Variants in FAM107B observed in about 807,000 individuals in gnomAD.
The protein encoded by FAM107B is family with sequence similarity 107 member B, also known as protein FAM107B.
A neutral mutation model predicts 31.5 loss-of-function variants in FAM107B; 21 were observed. That is an observed-to-expected ratio of 0.67 (90% CI 0.47 to 0.96). FAM107B has a LOEUF of 0.96. Among genes scored for constraint, FAM107B ranks in the 40% least tolerant of loss-of-function variants. The pLI is 0.00. For missense variants in FAM107B, 452 were observed against 377.1 expected, an observed-to-expected ratio of 1.20 and a Z score of -1.64; for synonymous variants, 157 against 141.5, an observed-to-expected ratio of 1.11 and a Z score of -0.78.
chr10:14,755,769 TATC>T (rs1364943691), intron 1 of FAM107B, among the ~76,000 whole-genome samples: 1 of 152,166 alleles, frequency 6.6e-6, no homozygotes, highest in African/African-American at 2.4e-5. Flanking sequence ...GACACTGAAT[TATC>T]ATGAAAGGCT....
chr10:14,710,831 T>C (rs1048881061), intron 1 of FAM107B, among the ~76,000 whole-genome samples: 13 of 152,200 alleles, frequency 8.5e-5, no homozygotes, highest in African/African-American at 3.1e-4. Context: ...CTAAGTGTTG[T>C]TATAAAACAG....
intron 1 of FAM107B, among the ~76,000 whole-genome samples, chr10:14,713,482 C>G (rs1855709524): frequency 6.6e-6 from 1 of 152,102 alleles, no homozygotes; most frequent in Non-Finnish European, 1.5e-5. Context: ...CTTGCCATTT[C>G]TGGAAGAGGG....
intron 2 of FAM107B, among the ~76,000 whole-genome samples, chr10:14,658,552 T>C (rs1854134053): frequency 6.6e-6 from 1 of 152,220 alleles, no homozygotes. Context: ...ATGCATACTT[T>C]AGTCAAACAA....
chr10:14,700,829 A>G (rs1588715031), intron 1 of FAM107B, among the ~76,000 whole-genome samples: 1 of 8,884 alleles, frequency 1.1e-4, no homozygotes, highest in Admixed American at 9.8e-4. Flanking sequence ...GCAAGAGGCA[A>G]AAAAAAAAAA....
At chr10:14,703,157 C>A (rs928545907) in intron 1 of FAM107B, among the ~76,000 whole-genome samples, 2 of 152,108 alleles carry the variant, frequency 1.3e-5, no homozygotes, top group African/African-American at 4.8e-5. Flanking sequence ...ATGGGATCAT[C>A]ACTGTGGCTC....
chr10:14,635,935 ATG>A (rs1224384574), intron 2 of FAM107B, among the ~76,000 whole-genome samples: 1 of 152,074 alleles, frequency 6.6e-6, no homozygotes, highest in African/African-American at 2.4e-5. Context: ...CCTGGCCAGA[ATG>A]TGTTTTCCAC....
At chr10:14,711,526 G>A (rs77144093) in intron 1 of FAM107B, among the ~76,000 whole-genome samples, 11,534 of 152,234 alleles carry the variant, frequency 0.076, 912 homozygotes, top group African/African-American at 0.21. Flanking sequence ...AGGCTATACC[G>A]CCTAGCCTAG....
intron 2 of FAM107B, among the ~76,000 whole-genome samples, chr10:14,638,818 G>A (rs1047505763): frequency 6.6e-5 from 10 of 151,980 alleles, no homozygotes; most frequent in African/African-American, 1.5e-4. Flanking sequence ...TCTCTTTAAT[G>A]CCCTTTCTAT....
chr10:14,601,091 C>T (rs1852382043), intron 2 of FAM107B, among the ~76,000 whole-genome samples: 1 of 152,226 alleles, frequency 6.6e-6, no homozygotes, highest in Admixed American at 6.5e-5. Flanking sequence ...TCCTCCTCAC[C>T]TGCCTTATAG....
intron 2 of FAM107B, among the ~76,000 whole-genome samples, chr10:14,588,356 A>C (rs1205171550): frequency 1.3e-5 from 2 of 152,332 alleles, no homozygotes; most frequent in South Asian, 2.1e-4. Context: ...CAAAACAAAC[A>C]AACCTACTCC....
chr10:14,529,317 G>A (rs763776172), intron 3 of FAM107B, among the ~76,000 whole-genome samples: 11 of 152,078 alleles, frequency 7.2e-5, no homozygotes, highest in Non-Finnish European at 1.5e-4. Flanking sequence ...TAATATGCTG[G>A]GGATAAAACA....
intron 2 of FAM107B, among the ~76,000 whole-genome samples, chr10:14,660,962 T>C (rs538061335): frequency 6.6e-6 from 1 of 152,272 alleles, no homozygotes; most frequent in African/African-American, 2.4e-5. Context: ...GACTGGATCA[T>C]GTGAGTGGAT....
At chr10:14,591,707 G>A (rs139414488) in intron 2 of FAM107B, among the ~76,000 whole-genome samples, 19 of 152,202 alleles carry the variant, frequency 1.2e-4, no homozygotes, top group Non-Finnish European at 2.4e-4. Context: ...ATCACTACAC[G>A]TGAGACAGTC....
Position 14,766,665 on chromosome 10 carries a change from T to G in FAM107B, c.411+7588A>C, listed in dbSNP as rs971126170. ...CTAGCAGGATCAAATGAGCTAGTAC[T>G]CATTTGATGATCAATGAGTGGTACT... On this transcript the variant is annotated intron_variant, in intron 1 of 4. Transcript: ENST00000181796. 6.6e-5 allele frequency among the ~76,000 whole-genome samples: 10 copies of G among 152,098 alleles called. No homozygotes were observed. In the East Asian group the frequency reaches 1.9e-3, roughly 30 times the overall value.
intron 2 of FAM107B, among the ~76,000 whole-genome samples, chr10:14,553,614 G>A (rs1388387764): frequency 6.6e-6 from 1 of 152,140 alleles, no homozygotes; most frequent in African/African-American, 2.4e-5. Flanking sequence ...GAGACACTAA[G>A]AACTGAGGCA....
intron 1 of FAM107B, among the ~76,000 whole-genome samples, chr10:14,745,492 T>TC (rs1357463052): frequency 1.3e-5 from 2 of 152,164 alleles, no homozygotes; most frequent in African/African-American, 4.8e-5. Flanking sequence ...GAAATTCTGG[T>TC]ATATTGTCTT....
chr10:14,747,089 T>C (rs1008594213), intron 1 of FAM107B, among the ~76,000 whole-genome samples: 3 of 152,236 alleles, frequency 2.0e-5, no homozygotes, highest in Non-Finnish European at 4.4e-5. Flanking sequence ...AATTTGGCTA[T>C]TGATACTTGT....
In FAM107B at chr10:14,588,463, G is replaced by T. The variant is rs148979731; in HGVS notation, c.470-57948C>A. 9.9e-4 allele frequency among the ~76,000 whole-genome samples: 150 copies of T among 152,282 alleles called. 3 individuals are homozygous for T. The highest frequency in any genetic ancestry group is 3.3e-3 in the African/African-American group (139 of 41,560). ...GTCAGAGTACAAACCACGCCCACGT[G>T]AAAGTCTCCCTGGACGCTACCAGGG... On this transcript the variant is annotated intron_variant, in intron 2 of 4. Coordinates refer to ENST00000181796, the MANE Select transcript of FAM107B (RefSeq NM_031453.4).
At chr10:14,690,223 G>A (rs144796073) in intron 1 of FAM107B, among the ~76,000 whole-genome samples, 5 of 152,188 alleles carry the variant, frequency 3.3e-5, no homozygotes. Flanking sequence ...TGACGGAGGA[G>A]AGTGAGGTCA....
Sources: allele counts gnomAD v4.1 joint callset (sites outside exome capture counted in the v4.1 genomes callset), GRCh38; gene constraint gnomAD v4.1.1; transcripts MANE v1.5; gene names NCBI Gene and HGNC (gene_info 2026-07-23, HGNC 2026-07-21).